Variants in KIF14 observed in about 807,000 individuals in gnomAD.
KIF14 encodes the protein kinesin family member 14.
Under a neutral mutation model 176.2 loss-of-function variants are expected in KIF14, and 98 were observed. The observed-to-expected ratio is 0.56, with a 90% CI of 0.47 to 0.66. KIF14 has a LOEUF of 0.66. Ranked by LOEUF, KIF14 falls within the 30% of genes least tolerant of loss-of-function variation. The pLI, the probability that KIF14 is intolerant of heterozygous loss-of-function variation, is 0.00. For missense variants in KIF14, 1,751 were observed against 1,920.4 expected, an observed-to-expected ratio of 0.91 and a Z score of 1.65; for synonymous variants, 566 against 632.2, an observed-to-expected ratio of 0.90 and a Z score of 1.57.
chr1:200,558,082 A>G (rs950566136), intron 27 of KIF14, among the ~76,000 whole-genome samples: 3 of 152,162 alleles, frequency 2.0e-5, no homozygotes, highest in Non-Finnish European at 4.4e-5. Flanking sequence ...CAGCCTCCGG[A>G]GTAGCTGGTA....
chr1:200,589,164 A>G, intron 18 of KIF14, 53 bp downstream of exon 18: 2 of 1,477,096 alleles, frequency 1.4e-6, no homozygotes, highest in Admixed American at 4.4e-5. Flanking sequence ...CTTTGAAAAA[A>G]AAAATCCAGC....
intron 16 of KIF14, among the ~76,000 whole-genome samples, chr1:200,591,579 T>C (rs1264459944): frequency 2.0e-5 from 3 of 152,218 alleles, no homozygotes; most frequent in Non-Finnish European, 2.9e-5. Context: ...AATCCTACGA[T>C]ACTGCATGAA....
chr1:200,584,427 C>A lies in KIF14; in HGVS notation c.3241+1674G>T, dbSNP rs528480405. Reference sequence around the variant, plus strand: ...AGAAAAGAAAACTACAGGCCAATATCCCTGATGAACATAGATCCAAAAATC... The same window carrying A: ...AGAAAAGAAAACTACAGGCCAATATACCTGATGAACATAGATCCAAAAATC... On this transcript the variant is annotated intron_variant, in intron 19 of 29. Coordinates refer to ENST00000367350, the MANE Select transcript of KIF14 (RefSeq NM_014875.3). Among the ~76,000 whole-genome samples, 58 of 152,172 alleles carry A rather than the reference C, an allele frequency of 3.8e-4. 1 individual carries two copies. In the South Asian group the frequency reaches 0.012, roughly 30 times the overall value.
chr1:200,605,953 C>T (rs1193819250), intron 6 of KIF14, 59 bp from the exon 7 acceptor site: 1 of 942,076 alleles, frequency 1.1e-6, no homozygotes, highest in Non-Finnish European at 1.6e-6. Context: ...CTCTTGTTCT[C>T]ATAAAACAAT....
chr1:200,595,318 TC>T (rs1227380504), intron 14 of KIF14, among the ~76,000 whole-genome samples: 5 of 152,242 alleles, frequency 3.3e-5, no homozygotes, highest in Non-Finnish European at 5.9e-5. Flanking sequence ...TCTTTTTTTC[TC>T]TTTCACATGA....
chr1:200,560,682 C>T (rs761110961), intron 26 of KIF14, 40 bp downstream of exon 26: 10 of 1,599,700 alleles, frequency 6.3e-6, no homozygotes, highest in Non-Finnish European at 8.6e-6. Flanking sequence ...TCTAATGTTC[C>T]CTCAGATGAA....
In KIF14 at chr1:200,617,656, A is replaced by T. The variant is rs765659178; in HGVS notation, c.1068T>A (p.Asn356Lys). ...CGCGTACTGCCACTGTCACTTGACTATTCTCTACTTTTAAGGGGTCTTTTC... is the reference window on the plus strand; with the variant it reads ...CGCGTACTGCCACTGTCACTTGACTTTTCTCTACTTTTAAGGGGTCTTTTC... ...SAGKDPLKVE[N>K]SQVTVAVRVR... Residue 356 changes from asparagine to lysine, a missense_variant, in exon 2 of 30, where the codon AAT becomes AAA. Coordinates refer to ENST00000367350, the MANE Select transcript of KIF14 (RefSeq NM_014875.3). The T allele has an allele frequency of 6.2e-7, 1 of 1,613,760 alleles. No homozygotes were observed. The highest frequency in any genetic ancestry group is 1.3e-5 in the African/African-American group (1 of 74,866).
At chr1:200,556,206 T>C (rs1408947079) in intron 27 of KIF14, among the ~76,000 whole-genome samples, 5 of 152,106 alleles carry the variant, frequency 3.3e-5, no homozygotes, top group Admixed American at 1.3e-4. Context: ...CCTAAGGTGC[T>C]TTCCTGCTCA....
At chr1:200,573,585 C>T (rs1276512761) in intron 22 of KIF14, among the ~76,000 whole-genome samples, 2 of 151,922 alleles carry the variant, frequency 1.3e-5, no homozygotes, top group African/African-American at 4.8e-5. Context: ...TACAGGCGCC[C>T]GCCACCGCGC....
intron 26 of KIF14, 129 bp downstream of exon 26, chr1:200,560,592 TG>T: frequency 9.6e-7 from 1 of 1,038,114 alleles, no homozygotes. Context: ...TAAATCTTAT[TG>T]CAAAACTACT....
chr1:200,577,973 G>A (rs1296347562), intron 21 of KIF14, among the ~76,000 whole-genome samples: 1 of 150,918 alleles, frequency 6.6e-6, no homozygotes, highest in South Asian at 2.1e-4. Context: ...TTTTTTCGAG[G>A]CCAGTTTGTT....
intron 4 of KIF14, among the ~76,000 whole-genome samples, chr1:200,609,386 C>T (rs1360311384): frequency 1.3e-5 from 2 of 152,188 alleles, no homozygotes; most frequent in African/African-American, 2.4e-5. Context: ...CAGTGGCTCA[C>T]ACCTGTAATC....
At chr1:200,615,865 TTCC>T (rs1660383023) in intron 2 of KIF14, among the ~76,000 whole-genome samples, 4 of 152,084 alleles carry the variant, frequency 2.6e-5, no homozygotes, top group Non-Finnish European at 5.9e-5. Flanking sequence ...ACAAGATTTT[TTCC>T]TCTTTTTTTT....
chr1:200,591,379 A>G (rs1057486347), intron 16 of KIF14, among the ~76,000 whole-genome samples: 1 of 152,180 alleles, frequency 6.6e-6, no homozygotes, highest in Admixed American at 6.6e-5. Flanking sequence ...AGCTTGCTCT[A>G]TCTCTAATGC....
chr1:200,594,368 C>CAAAAAAAAAAAA (rs371729211), intron 14 of KIF14, among the ~76,000 whole-genome samples: 6 of 92,516 alleles, frequency 6.5e-5, no homozygotes, highest in East Asian at 3.8e-4. Context: ...CCCAAAAATT[C>CAAAAAAAAAAAA]AAAAAAAAAA....
chr1:200,603,841 T>G lies in KIF14; in HGVS notation c.1861A>C (p.Lys621Gln), dbSNP rs1466946582. 5.7e-6 allele frequency: 9 copies of G among 1,572,138 alleles called. No individual in the cohort carries two copies. Among genetic ancestry groups the G allele is most frequent in the Non-Finnish European group, 7.9e-6 (9 of 1,142,228 alleles). The change falls in exon 9 of 30, where the codon AAG (lysine) becomes CAG (glutamine). Residue 621 changes from lysine to glutamine, a missense_variant and splice_region_variant. By Grantham distance (53) the Lys-to-Gln change is moderately conservative. Coordinates refer to ENST00000367350, the MANE Select transcript of KIF14 (RefSeq NM_014875.3). ...STAHTNGDRL[K>Q]EGVSINKSLL... ...AGGAGAAAAAGCATTCCATTTACCT[T>G]TAGTCGATCTCCATTAGTGTGAGCC...
At chr1:200,579,417 G>A (rs1004761526) in intron 21 of KIF14, among the ~76,000 whole-genome samples, 1 of 152,148 alleles carries the variant, frequency 6.6e-6, no homozygotes, top group Non-Finnish European at 1.5e-5. Flanking sequence ...GACCAGCCTG[G>A]CCAACGTGGT....
chr1:200,599,509 CCTT>C (rs1659524199), intron 13 of KIF14, among the ~76,000 whole-genome samples: 2 of 152,068 alleles, frequency 1.3e-5, no homozygotes, highest in Admixed American at 6.6e-5. Context: ...AGGAATTTTC[CCTT>C]CTTCTCCTGA....
chr1:200,598,070 T>C (rs886878381), intron 14 of KIF14, among the ~76,000 whole-genome samples, 167 bp downstream of exon 14: 1 of 152,198 alleles, frequency 6.6e-6, no homozygotes, highest in Admixed American at 6.5e-5. Flanking sequence ...GTAACTGACC[T>C]ATCATCCTTA....
Sources: gnomAD v4.1 joint callset for allele counts (sites outside exome capture counted in the v4.1 genomes callset) on GRCh38, gnomAD v4.1.1 for gene constraint, MANE v1.5 for transcripts, NCBI Gene and HGNC (gene_info 2026-07-23, HGNC 2026-07-21) for gene names.